Variants in PTHLH observed in about 807,000 individuals in gnomAD.
PTHLH encodes parathyroid hormone-related protein.
Under a neutral mutation model 18.6 loss-of-function variants are expected in PTHLH, and 5 were observed. The observed-to-expected ratio is 0.27, with a 90% CI of 0.14 to 0.56. The LOEUF (loss-of-function observed/expected upper bound fraction) is 0.56, where lower values mean the gene tolerates loss of function less well. Ranked by LOEUF, PTHLH falls within the 20% of genes least tolerant of loss-of-function variation. PTHLH has a pLI of 0.92. For missense variants in PTHLH, 207 were observed against 223.9 expected (o/e 0.92, Z 0.48); for synonymous variants, 90 against 94.0 (o/e 0.96, Z 0.25).
chr12:27,963,322 G>C, intron 5 of PTHLH, 26 bp downstream of exon 5: 2 of 1,614,214 alleles, frequency 1.2e-6, no homozygotes, highest in Non-Finnish European at 1.7e-6. Context: ...ACCCCGCTGA[G>C]GCTACGGGCC....
chr12:27,961,286 CG>C (rs2062751506), intron 5 of PTHLH, among the ~76,000 whole-genome samples: 1 of 46,958 alleles, frequency 2.1e-5, no homozygotes, highest in African/African-American at 8.0e-5. Flanking sequence ...CATATATATA[CG>C]TATATATATA....
intron 1 of PTHLH, 42 bp downstream of exon 1, chr12:27,972,481 A>G (rs551536777): frequency 6.6e-6 from 1 of 152,348 alleles, no homozygotes; most frequent in Admixed American, 6.5e-5. Context: ...TAGTCTTTAT[A>G]TACTCGGAAT....
At chr12:27,963,148 G>C in intron 5 of PTHLH, 200 bp downstream of exon 5, 1 of 1,462,948 alleles carries the variant, frequency 6.8e-7, no homozygotes, top group East Asian at 2.5e-5. Flanking sequence ...TATGGTGCTG[G>C]AGGACAGGGG....
At position 27,972,023 on chromosome 12, in the gene PTHLH, TAAAAAAAA is replaced by T. The variant is rs71450770; in HGVS notation, c.-358-12_-358-5del. ...CGTTAGATCTGAAGGGGGAAATCTGTAAAAAAAAAAAAAAAAAAAAAAAAAAAGTCAAT... is the reference window on the plus strand; with the variant it reads ...CGTTAGATCTGAAGGGGGAAATCTGTAAAAAAAAAAAAAAAAAAAGTCAAT... On this transcript the variant is annotated splice_region_variant and splice_polypyrimidine_tract_variant and intron_variant, in intron 1 of 5. Coordinates refer to ENST00000545234, the MANE Select transcript of PTHLH (RefSeq NM_198965.2). 7.2e-5 allele frequency: 4 copies of T among 55,350 alleles called. No individual in the cohort carries two copies. The highest frequency in any genetic ancestry group is 2.5e-4 in the African/African-American group (4 of 15,956). The allele number at this position is 55,350 out of a possible 1,614,324, so 3.4% of individuals were successfully genotyped here.
At chr12:27,959,703 G>C (rs956347371) in intron 5 of PTHLH, among the ~76,000 whole-genome samples, 1 of 152,154 alleles carries the variant, frequency 6.6e-6, no homozygotes, top group African/African-American at 2.4e-5. Context: ...AAAGCAAATT[G>C]AACATTTAAA....
Position 27,958,462 on chromosome 12 carries a change from T to C in PTHLH, c.*97A>G. The C allele has an allele frequency of 8.5e-7, 1 of 1,173,438 alleles. No homozygotes were observed. Among genetic ancestry groups the C allele is most frequent in the Non-Finnish European group, 1.2e-6 (1 of 847,650 alleles). 72.7% of individuals were successfully genotyped at this position (1,173,438 alleles called of 1,614,324 possible). A position where few individuals can be genotyped will look rare whatever the true frequency, so the allele number is the denominator to read the frequency against. ...GGAGACAGTTTTATTCCAATGCATT[T>C]ACAGTATTTACAGACAATAAATATT... On this transcript the variant is annotated 3_prime_UTR_variant, in exon 6 of 6. Transcript: ENST00000545234.
Position 27,970,223 on chromosome 12 carries a change from A to T in PTHLH, c.-221T>A, listed in dbSNP as rs1223009564. On this transcript the variant is annotated 5_prime_UTR_variant, in exon 3 of 6. Transcript: ENST00000545234. ...GGCCGGGCGGCGCAGGTTGGAGGCG[A>T]GTTGAAAACCGAGCGGAGGAATGTT... 8.2e-6 allele frequency: 4 copies of T among 488,760 alleles called. No individual in the cohort carries two copies. The highest frequency in any genetic ancestry group is 1.6e-5 in the Non-Finnish European group (4 of 245,880). The allele number at this position is 488,760 out of a possible 1,614,324, so 30.3% of individuals were successfully genotyped here.
intron 5 of PTHLH, chr12:27,962,199 G>A (rs914391323): frequency 4.7e-6 from 2 of 422,756 alleles, no homozygotes; most frequent in Non-Finnish European, 8.3e-6. Context: ...ATTAATATTT[G>A]CCCCACTTTT....
At chr12:27,969,170 A>C (rs772602117) in intron 4 of PTHLH, 8 of 580,462 alleles carry the variant, frequency 1.4e-5, no homozygotes, top group Non-Finnish European at 2.2e-5. Flanking sequence ...ATGGAAACAC[A>C]CATAAAGTCT....
At chr12:27,958,657 G>A in intron 5 of PTHLH, 89 bp from the exon 6 acceptor site, 2 of 1,280,210 alleles carry the variant, frequency 1.6e-6, no homozygotes, top group Non-Finnish European at 2.2e-6. Flanking sequence ...TATAAGCTAA[G>A]GAATGCAAAA....
At chr12:27,969,890 C>G in intron 3 of PTHLH, 135 bp downstream of exon 3, 1 of 522,298 alleles carries the variant, frequency 1.9e-6, no homozygotes, top group Non-Finnish European at 3.8e-6. Flanking sequence ...CTCCTGGGTT[C>G]GTGGAACAGG....
chr12:27,964,938 G>A (rs2062798592), intron 4 of PTHLH, among the ~76,000 whole-genome samples: 1 of 152,082 alleles, frequency 6.6e-6, no homozygotes, highest in South Asian at 2.1e-4. Context: ...TCTACCATTG[G>A]AATAGTCCTC....
At chr12:27,960,977 T>G (rs2062748154) in intron 5 of PTHLH, among the ~76,000 whole-genome samples, 1 of 152,026 alleles carries the variant, frequency 6.6e-6, no homozygotes, top group Admixed American at 6.6e-5. Flanking sequence ...CCTGAACCTC[T>G]GTTGGATTGT....
At position 27,966,854 on chromosome 12, in the gene PTHLH, C is replaced by T. The variant is rs142314647; in HGVS notation, c.101+2540G>A. Among the ~76,000 whole-genome samples, 31 of 152,188 alleles carry T rather than the reference C, an allele frequency of 2.0e-4. 1 individual carries two copies. The East Asian group carries it at 6.0e-3, about 29-fold the overall frequency. ...GAAGCTTAGATTTCTAAGGAACTAT[C>T]AAGGAACAGAGGGCATAAAAACAGT... On this transcript the variant is annotated intron_variant, in intron 4 of 5. Coordinates refer to ENST00000545234, the MANE Select transcript of PTHLH (RefSeq NM_198965.2).
intron 3 of PTHLH, 118 bp downstream of exon 3, chr12:27,969,907 C>A (rs775832268): frequency 2.3e-5 from 12 of 520,868 alleles, no homozygotes; most frequent in South Asian, 1.7e-4. Flanking sequence ...CAGGGCTAAC[C>A]GCCTCCTAAA....
chr12:27,961,301 G>GTATATATATATACGTATA (rs368406696), intron 5 of PTHLH, among the ~76,000 whole-genome samples: 1 of 84,546 alleles, frequency 1.2e-5, no homozygotes, highest in Non-Finnish European at 2.5e-5. Flanking sequence ...ATATATATAC[G>GTATATATATATACGTATA]TATATATATA....
intron 2 of PTHLH, among the ~76,000 whole-genome samples, chr12:27,970,589 G>T (rs1025572858): frequency 2.2e-4 from 33 of 151,918 alleles, no homozygotes; most frequent in Non-Finnish European, 4.6e-4. Context: ...TCCAGGCCCG[G>T]CCGGCTCCTG....
At chr12:27,961,728 A>G (rs1489550905) in intron 5 of PTHLH, 4 of 479,722 alleles carry the variant, frequency 8.3e-6, no homozygotes, top group Non-Finnish European at 1.5e-5. Context: ...GCCACTGCCC[A>G]TTGATTACTG....
intron 5 of PTHLH, among the ~76,000 whole-genome samples, chr12:27,961,276 C>T (rs2062750460): frequency 1.9e-5 from 1 of 52,750 alleles, no homozygotes; most frequent in Non-Finnish European, 4.0e-5. Flanking sequence ...TTTTATAACT[C>T]ATATATATAC....
Sources: allele counts gnomAD v4.1 joint callset (sites outside exome capture counted in the v4.1 genomes callset), GRCh38; gene constraint gnomAD v4.1.1; transcripts MANE v1.5; gene names NCBI Gene and HGNC (gene_info 2026-07-23, HGNC 2026-07-21).